Variants in DIP2C observed in about 807,000 individuals in gnomAD.
The protein encoded by DIP2C is DIP2 acetate--CoA ligase C (putative).
DIP2C carries 33 observed loss-of-function variants against 192.4 expected under a neutral mutation model. That is an observed-to-expected ratio of 0.17 (90% CI 0.13 to 0.23). The LOEUF is 0.23. Ranked by LOEUF, DIP2C falls within the 10% of genes least tolerant of loss-of-function variation. The pLI is 1.00. For missense variants in DIP2C, 1,537 were observed against 2,110.1 expected (o/e 0.73, Z 5.32); for synonymous variants, 979 against 864.1 (o/e 1.13, Z -2.33).
In DIP2C at chr10:445,097, C is replaced by T. The variant is rs537900150; in HGVS notation, c.269-4101G>A. Among the ~76,000 whole-genome samples, 10 of 152,374 alleles carry T rather than the reference C, an allele frequency of 6.6e-5. No individual in the cohort carries two copies. In the South Asian group the frequency reaches 1.9e-3, roughly 28 times the overall value. ...CCTGCTACCATCCTCCTCCTCCACT[C>T]TTGTGAAGTGGAACCTCATGGGTTT... On this transcript the variant is annotated intron_variant, in intron 3 of 36. Transcript: ENST00000280886.
chr10:496,687 C>T (rs1433971356), intron 1 of DIP2C, among the ~76,000 whole-genome samples: 10 of 151,994 alleles, frequency 6.6e-5, no homozygotes, highest in African/African-American at 2.4e-4. Context: ...CTCTACATTA[C>T]TCGCAATACC....
chr10:544,290 C>T (rs1228773753), intron 1 of DIP2C, among the ~76,000 whole-genome samples: 2 of 152,232 alleles, frequency 1.3e-5, no homozygotes, highest in Admixed American at 6.5e-5. Flanking sequence ...TTCCTTTTTA[C>T]GGCTGAGTGA....
chr10:574,379 T>C (rs1314207764), intron 1 of DIP2C, among the ~76,000 whole-genome samples: 3 of 152,182 alleles, frequency 2.0e-5, no homozygotes, highest in Non-Finnish European at 4.4e-5. Flanking sequence ...TAAATACAAA[T>C]GATAAAGTAG....
At chr10:515,752 C>A (rs1000139004) in intron 1 of DIP2C, among the ~76,000 whole-genome samples, 1 of 151,950 alleles carries the variant, frequency 6.6e-6, no homozygotes, top group African/African-American at 2.4e-5. Context: ...ATAAGAAAGC[C>A]TTCAGAAAAA....
intron 36 of DIP2C, among the ~76,000 whole-genome samples, chr10:278,701 C>T (rs1409360137): frequency 6.6e-6 from 1 of 152,202 alleles, no homozygotes; most frequent in Admixed American, 6.5e-5. Context: ...TATCTGGGAT[C>T]GAGTCATCTT....
At chr10:452,864 C>G (rs879779240) in intron 3 of DIP2C, among the ~76,000 whole-genome samples, 1 of 152,164 alleles carries the variant, frequency 6.6e-6, no homozygotes, top group African/African-American at 2.4e-5. Context: ...CCACAGGGCA[C>G]GGGGCAGGAT....
intron 9 of DIP2C, among the ~76,000 whole-genome samples, chr10:405,460 G>A (rs1964734802): frequency 6.6e-6 from 1 of 152,148 alleles, no homozygotes; most frequent in South Asian, 2.1e-4. Context: ...GGATAGAAAA[G>A]GGTAAAATAC....
chr10:476,219 C>T (rs927964971), intron 2 of DIP2C, among the ~76,000 whole-genome samples: 5 of 152,170 alleles, frequency 3.3e-5, no homozygotes, highest in African/African-American at 4.8e-5. Context: ...GGCAAGAAAA[C>T]GGCCGAGATG....
chr10:277,995 C>CAG (rs2132114860), intron 36 of DIP2C, among the ~76,000 whole-genome samples: 1 of 152,364 alleles, frequency 6.6e-6, no homozygotes, highest in African/African-American at 2.4e-5. Context: ...TCCAGACCCC[C>CAG]AGCTCTGCTG....
At chr10:289,117 A>AT (rs1231809478) in intron 32 of DIP2C, among the ~76,000 whole-genome samples, 4 of 152,022 alleles carry the variant, frequency 2.6e-5, no homozygotes, top group Admixed American at 6.6e-5. Context: ...CTAAGGGGCA[A>AT]TTTTTTTTAT....
chr10:299,565 A>G (rs571099174), intron 32 of DIP2C, among the ~76,000 whole-genome samples: 1 of 152,372 alleles, frequency 6.6e-6, no homozygotes, highest in Non-Finnish European at 1.5e-5. Context: ...AGGAACAGTC[A>G]TGTGTTGGAT....
In DIP2C at chr10:656,875, G is replaced by C. The variant is rs184800381; in HGVS notation, c.85+32619C>G. Among the ~76,000 whole-genome samples, 48 of 152,316 alleles carry C rather than the reference G, an allele frequency of 3.2e-4. 1 individual carries two copies. Among genetic ancestry groups the C allele is most frequent in the Admixed American group, 2.7e-3 (42 of 15,306 alleles). Reference sequence around the variant, plus strand: ...TAGCCTCTCACAGAAAGGCAGAGGTGACTTAGCACAAAGAGCATGGAACTT... The same window carrying C: ...TAGCCTCTCACAGAAAGGCAGAGGTCACTTAGCACAAAGAGCATGGAACTT... On this transcript the variant is annotated intron_variant, in intron 1 of 36. Coordinates refer to ENST00000280886, the MANE Select transcript of DIP2C (RefSeq NM_014974.3).
At chr10:432,424 T>TA (rs1211801394) in intron 4 of DIP2C, among the ~76,000 whole-genome samples, 4 of 152,236 alleles carry the variant, frequency 2.6e-5, no homozygotes, top group African/African-American at 9.6e-5. Flanking sequence ...ATTCTGTCTT[T>TA]AAAGAAATTG....
chr10:581,427 T>C (rs530834588), intron 1 of DIP2C, among the ~76,000 whole-genome samples: 60 of 152,316 alleles, frequency 3.9e-4, no homozygotes, highest in South Asian at 1.4e-3. Context: ...CATGTTAAGC[T>C]GTCAAAGGTG....
intron 18 of DIP2C, among the ~76,000 whole-genome samples, chr10:368,346 A>G (rs867079890): frequency 6.6e-6 from 1 of 152,248 alleles, no homozygotes; most frequent in Non-Finnish European, 1.5e-5. Flanking sequence ...TGAAGATTTC[A>G]CCATGCAGTT....
intron 9 of DIP2C, among the ~76,000 whole-genome samples, chr10:403,591 TG>T (rs1964573859): frequency 3.5e-5 from 2 of 57,378 alleles, no homozygotes; most frequent in Non-Finnish European, 8.6e-5. Flanking sequence ...CATCAGCACA[TG>T]AATCCTGTGA....
chr10:604,547 G>A (rs1006229063), intron 1 of DIP2C, among the ~76,000 whole-genome samples: 3 of 152,252 alleles, frequency 2.0e-5, no homozygotes, highest in East Asian at 1.9e-4. Flanking sequence ...CGTCATGAGC[G>A]CAAGCGTGCG....
chr10:515,084 CTAT>C lies in DIP2C; in HGVS notation c.86-28557_86-28555del, dbSNP rs1846263547. Among the ~76,000 whole-genome samples, 3 of 152,280 alleles carry C rather than the reference CTAT, an allele frequency of 2.0e-5. No individual in the cohort carries two copies. In the East Asian group the frequency reaches 5.8e-4, roughly 29 times the overall value. The stretch of plus-strand genomic sequence containing the variant: ...ATAATTTTAACACTTAGTGTTATCA[CTAT>C]TAAGAATTATAAACGTTAATTACAT... On this transcript the variant is annotated intron_variant, in intron 1 of 36. Transcript: ENST00000280886.
intron 1 of DIP2C, among the ~76,000 whole-genome samples, chr10:602,933 A>G (rs540436859): frequency 9.2e-5 from 14 of 152,266 alleles, no homozygotes; most frequent in Non-Finnish European, 1.0e-4. Context: ...AACAGTGGTG[A>G]TAACACCCCT....
Sources: gnomAD v4.1 joint callset for allele counts (sites outside exome capture counted in the v4.1 genomes callset) on GRCh38, gnomAD v4.1.1 for gene constraint, MANE v1.5 for transcripts, NCBI Gene and HGNC (gene_info 2026-07-23, HGNC 2026-07-21) for gene names.